PRIM1: variants seen among roughly 807,000 people sequenced by gnomAD.
PRIM1 encodes DNA primase subunit 1, also known as DNA primase small subunit.
PRIM1 carries 38 observed loss-of-function variants against 60.2 expected under a neutral mutation model. The observed-to-expected ratio is 0.63, with a 90% CI of 0.49 to 0.83. The LOEUF (loss-of-function observed/expected upper bound fraction) is 0.83, where lower values mean the gene tolerates loss of function less well. PRIM1 is among the 40% of genes least tolerant of loss of function. The pLI is 0.00. For missense variants in PRIM1, 388 were observed against 506.2 expected, an observed-to-expected ratio of 0.77 and a Z score of 2.24; for synonymous variants, 158 against 160.2, an observed-to-expected ratio of 0.99 and a Z score of 0.10.
intron 7 of PRIM1, 145 bp from the exon 8 acceptor site, chr12:56,741,982 G>A: frequency 1.2e-6 from 1 of 833,734 alleles, no homozygotes; most frequent in Non-Finnish European, 1.9e-6. Flanking sequence ...ACTGGGCGTG[G>A]TGGCTCATGC....
chr12:56,748,610 G>A (rs148641557), intron 2 of PRIM1, among the ~76,000 whole-genome samples: 10,999 of 148,736 alleles, frequency 0.074, 465 homozygotes, highest in African/African-American at 0.097. Context: ...CTGGATGACA[G>A]AGCGAGACTC....
At chr12:56,733,962 T>G (rs1292404237) in intron 12 of PRIM1, among the ~76,000 whole-genome samples, 185 bp downstream of exon 12, 1 of 152,178 alleles carries the variant, frequency 6.6e-6, no homozygotes, top group Non-Finnish European at 1.5e-5. Flanking sequence ...ACCTGATACT[T>G]AGAATGTGTT....
chr12:56,752,124 T>A (rs1288192827), intron 1 of PRIM1, 72 bp downstream of exon 1: 3 of 1,145,748 alleles, frequency 2.6e-6, no homozygotes, highest in Non-Finnish European at 3.8e-6. Context: ...CGCTTCATAT[T>A]GTCATTCTAA....
chr12:56,746,105 T>C lies in PRIM1; in HGVS notation c.519A>G (p.Ser173=), dbSNP rs1347193881. 2.5e-6 allele frequency: 4 copies of C among 1,613,630 alleles called. No homozygotes were observed. Among genetic ancestry groups the C allele is most frequent in the Non-Finnish European group, 3.4e-6 (4 of 1,179,646 alleles). ...RGVHCWVCDE[S]VRKLSSAVRS... ...GTACTGCAGAAGACAGTTTTCTAAC[T>C]GATTCATCACAGACCCAACAATGAA... The change falls in exon 5 of 13, where the codon TCA becomes TCG. Residue 173 remains serine (S), a synonymous_variant. Coordinates refer to ENST00000338193, the MANE Select transcript of PRIM1 (RefSeq NM_000946.3).
chr12:56,737,191 T>C (rs1328050979), intron 11 of PRIM1, among the ~76,000 whole-genome samples: 2 of 152,078 alleles, frequency 1.3e-5, no homozygotes, highest in Admixed American at 1.3e-4. Context: ...GCGCACTCCT[T>C]ATCAGAATCT....
At chr12:56,745,233 G>A (rs1953898027) in intron 5 of PRIM1, among the ~76,000 whole-genome samples, 1 of 152,080 alleles carries the variant, frequency 6.6e-6, no homozygotes, top group South Asian at 2.1e-4. Context: ...GCAATATAGT[G>A]AGACCTTGTT....
chr12:56,750,198 T>C (rs1953936414), intron 2 of PRIM1, among the ~76,000 whole-genome samples: 1 of 152,172 alleles, frequency 6.6e-6, no homozygotes, highest in Non-Finnish European at 1.5e-5. Context: ...AGATTCTGAG[T>C]TGTTTTAAAA....
chr12:56,747,515 G>A (rs1258585616), intron 2 of PRIM1, among the ~76,000 whole-genome samples: 2 of 152,206 alleles, frequency 1.3e-5, no homozygotes, highest in Non-Finnish European at 2.9e-5. Flanking sequence ...AGAGGCTGAG[G>A]CGGGCAGATC....
rs1182465140 is a variant in PRIM1 at position 56,734,172 on chromosome 12, T to C, written c.1218A>G (p.Arg406=). 6.2e-7 allele frequency: 1 copy of C among 1,607,034 alleles called. No individual in the cohort carries two copies. The highest frequency in any genetic ancestry group is 1.1e-5 in the South Asian group (1 of 90,802). The change falls in exon 12 of 13, where the codon CGA becomes CGG. Residue 406 remains arginine, a synonymous_variant. Transcript: ENST00000338193. The part of the protein sequence containing the change: ...EHFLENLDKS[R]KGELLKKSDL... ...CACTCTTCTTAAGAAGTTCTCCTTTTCGGGATTTATCCAGATTTTCAAGAA... is the reference window on the plus strand; with the variant it reads ...CACTCTTCTTAAGAAGTTCTCCTTTCCGGGATTTATCCAGATTTTCAAGAA...
At chr12:56,740,445 AC>A (rs971182336) in intron 9 of PRIM1, among the ~76,000 whole-genome samples, 1 of 151,926 alleles carries the variant, frequency 6.6e-6, no homozygotes, top group Non-Finnish European at 1.5e-5. Context: ...CTTTTATAAT[AC>A]CCCCCTAGGA....
At position 56,746,160 on chromosome 12, in the gene PRIM1, C is replaced by T. The variant is rs765136318; in HGVS notation, c.464G>A (p.Arg155His). The T allele has an allele frequency of 3.5e-5, 56 of 1,611,878 alleles. No homozygotes were observed. The highest frequency in any genetic ancestry group is 4.6e-5 in the Non-Finnish European group (54 of 1,179,248). Residue 155 changes from arginine (R) to histidine (H), a missense_variant, in exon 5 of 13, where the codon CGT (arginine) becomes CAT (histidine). Arg to His is a conservative substitution (Grantham distance 29). Coordinates refer to ENST00000338193, the MANE Select transcript of PRIM1 (RefSeq NM_000946.3). Reference protein sequence around the residue: ...ALKEDFGFKHRLWVYSGRRGV... With the variant: ...ALKEDFGFKHHLWVYSGRRGV... ...TCTCCTTCCAGAATATACCCAGAGA[C>T]GATGCTTAAATCCAAAGTCCTCTGA...
At chr12:56,746,481 A>C (rs11171964) in intron 4 of PRIM1, 6,796 of 560,924 alleles carry the variant, frequency 0.012, 359 homozygotes, top group African/African-American at 0.11. Flanking sequence ...AAATACAAAA[A>C]TTAACTGGGC....
In PRIM1 at chr12:56,743,070, TA is replaced by T; in HGVS notation, c.664del (p.Tyr222ThrfsTer23). On this transcript the variant is annotated frameshift_variant, in exon 7 of 13. Coordinates refer to ENST00000338193, the MANE Select transcript of PRIM1 (RefSeq NM_000946.3). LOFTEE classifies it high-confidence loss of function. ...ATTAACCAAGGCATATTCTTCAAAG[TA>T]TTTTTTTATTATGTTTATAGATTTT... ...IRKSINIIKK[Y>X]FEEYALVNQD... 2 of 1,527,520 alleles carry T rather than the reference TA, an allele frequency of 1.3e-6. No individual in the cohort carries two copies. The highest frequency in any genetic ancestry group is 1.8e-6 in the Non-Finnish European group (2 of 1,140,660). The allele number at this position is 1,527,520 out of a possible 1,614,324, so 94.6% of individuals were successfully genotyped here.
At position 56,731,779 on chromosome 12, in the gene PRIM1, AAAC is replaced by A. The variant is rs764630288; in HGVS notation, c.1244-48_1244-46del. On this transcript the variant is annotated intron_variant, in intron 12 of 12. Transcript: ENST00000338193. ...ATATGGAAGAACAGCAAAGGAAACA[AAAC>A]AAAGCCCATTTACTTTTACATTCTT... 1.4e-5 allele frequency: 19 copies of A among 1,404,680 alleles called. No individual in the cohort carries two copies. In the East Asian group the frequency reaches 4.5e-4, roughly 34 times the overall value. The allele number at this position is 1,404,680 out of a possible 1,614,324, so 87.0% of individuals were successfully genotyped here. A position where few individuals can be genotyped will look rare whatever the true frequency, so the allele number is the denominator to read the frequency against.
At chr12:56,748,207 T>A (rs1283817474) in intron 2 of PRIM1, among the ~76,000 whole-genome samples, 1 of 152,154 alleles carries the variant, frequency 6.6e-6, no homozygotes, top group Non-Finnish European at 1.5e-5. Flanking sequence ...TGTATTGATA[T>A]TACAAATTGA....
chr12:56,744,061 A>G lies in PRIM1; in HGVS notation c.638+4T>C. 3 of 1,564,984 alleles carry G rather than the reference A, an allele frequency of 1.9e-6. No individual in the cohort carries two copies. The highest frequency in any genetic ancestry group is 2.6e-6 in the Non-Finnish European group (3 of 1,150,784). On this transcript the variant is annotated splice_donor_region_variant and intron_variant, in intron 6 of 12. Coordinates refer to ENST00000338193, the MANE Select transcript of PRIM1 (RefSeq NM_000946.3). ...TAAAGTGCTTGGAGACTTTTCCAAC[A>G]GACCTGATAAAAGGGTGAATTTTTT...
chr12:56,737,452 C>T (rs564243457), intron 11 of PRIM1, among the ~76,000 whole-genome samples: 12 of 151,606 alleles, frequency 7.9e-5, no homozygotes, highest in East Asian at 1.9e-4. Context: ...TGAGTTCAAG[C>T]GATTCTCCTG....
At position 56,742,987 on chromosome 12, in the gene PRIM1, T is replaced by C. The variant is rs1387273459; in HGVS notation, c.748A>G (p.Thr250Ala). The C allele has an allele frequency of 1.3e-6, 2 of 1,528,924 alleles. No individual in the cohort carries two copies. The highest frequency in any genetic ancestry group is 2.8e-5 in the African/African-American group (2 of 71,624). 94.7% of individuals were successfully genotyped at this position (1,528,924 alleles called of 1,614,324 possible). The change falls in exon 7 of 13, where the codon ACA becomes GCA. Residue 250 changes from threonine (T) to alanine (A), a missense_variant and splice_region_variant. Around this residue, in one of 3 missense-constraint regions of PRIM1, gnomAD observed 211 missense variants for 277.9 expected, o/e 0.76. Coordinates refer to ENST00000338193, the MANE Select transcript of PRIM1 (RefSeq NM_000946.3). ...WDKILALVPE[T>A]IHDELQQSFQ... ...CAGAAATGATCACGGGAAAGGATATTTTCAGGAACAAGGGCTAAAATCTTA... is the reference window on the plus strand; with the variant it reads ...CAGAAATGATCACGGGAAAGGATATCTTCAGGAACAAGGGCTAAAATCTTA...
At chr12:56,744,027 C>G (rs1265847324) in intron 6 of PRIM1, 38 bp downstream of exon 6, 18 of 1,444,380 alleles carry the variant, frequency 1.2e-5, no homozygotes, top group Non-Finnish European at 1.6e-5. Context: ...GCCGGTAAAT[C>G]AGACACCTTA....
Sources: gnomAD v4.1 joint callset for allele counts (sites outside exome capture counted in the v4.1 genomes callset) on GRCh38, gnomAD v4.1.1 for gene constraint, gnomAD v4.1.1 regional missense constraint, MANE v1.5 for transcripts, NCBI Gene and HGNC (gene_info 2026-07-23, HGNC 2026-07-21) for gene names.